SCAF11: variants seen among roughly 807,000 people sequenced by gnomAD.
SCAF11 encodes protein SCAF11.
SCAF11 carries 47 observed loss-of-function variants against 140.5 expected under a neutral mutation model. The observed-to-expected ratio is 0.33, with a 90% CI of 0.26 to 0.43. SCAF11 has a LOEUF of 0.43. Ranked by LOEUF, SCAF11 falls within the 20% of genes least tolerant of loss-of-function variation. The probability of loss-of-function intolerance (pLI) is 1.00; values close to 1 mark genes in which losing one functional copy is unlikely to be tolerated. For missense variants in SCAF11, 1,645 were observed against 1,705.1 expected, an observed-to-expected ratio of 0.96 and a Z score of 0.62; for synonymous variants, 557 against 579.4, an observed-to-expected ratio of 0.96 and a Z score of 0.55.
intron 11 of SCAF11, among the ~76,000 whole-genome samples, chr12:45,925,416 G>A (rs375546535): frequency 4.6e-5 from 7 of 152,034 alleles, no homozygotes; most frequent in Admixed American, 3.9e-4. Flanking sequence ...TTAGCCAGGC[G>A]TGGTGGTGAG....
At chr12:45,991,850 G>T (rs1430204448), upstream of SCAF11, 1 of 1,256,296 alleles carries the variant, frequency 8.0e-7, no homozygotes, top group South Asian at 1.3e-5. Flanking sequence ...TGCGGCTCCC[G>T]CAGGACTAAG....
intron 1 of SCAF11, among the ~76,000 whole-genome samples, chr12:45,978,374 C>CT (rs2136656900): frequency 6.6e-6 from 1 of 152,272 alleles, no homozygotes; most frequent in African/African-American, 2.4e-5. Flanking sequence ...CTAAAGCTCT[C>CT]TTATATTTAT....
chr12:45,964,501 A>G (rs959164199), intron 1 of SCAF11, among the ~76,000 whole-genome samples: 2 of 152,118 alleles, frequency 1.3e-5, no homozygotes, highest in African/African-American at 4.8e-5. Context: ...CCCTGTCTCT[A>G]CTAAAAACAC....
At chr12:45,941,416 G>C (rs1945298946) in intron 6 of SCAF11, among the ~76,000 whole-genome samples, 1 of 151,948 alleles carries the variant, frequency 6.6e-6, no homozygotes. Context: ...CCTTTTTCTT[G>C]TAGTGAGAAC....
rs377131723 is a variant in SCAF11, at chr12:45,934,208, A to G, written c.600T>C (p.Ser200=). The G allele has an allele frequency of 2.6e-5, 41 of 1,606,620 alleles. No individual in the cohort carries two copies. The African/African-American group carries it at 4.8e-4, about 19-fold the overall frequency. ...CTCTATAGGTAAAGGAAGATTCTCCAGAGTGGCTAACAGAAGAAAACATAT... is the reference window on the plus strand; with the variant it reads ...CTCTATAGGTAAAGGAAGATTCTCCGGAGTGGCTAACAGAAGAAAACATAT... The part of the protein sequence containing the change: ...FSNMFSSVSH[S]GESSFTYRAY... Residue 200 remains serine, a synonymous_variant, in exon 8 of 15, where the codon TCT becomes TCC. Transcript: ENST00000369367.
chr12:45,927,049 T>C lies in SCAF11; in HGVS notation c.2652A>G (p.Arg884=), dbSNP rs1944888681. 1 of 1,614,140 alleles carries C rather than the reference T, an allele frequency of 6.2e-7. No homozygotes were observed. The highest frequency in any genetic ancestry group is 8.5e-7 in the Non-Finnish European group (1 of 1,180,020). The part of the protein sequence containing the change: ...ESRRSESLSP[R]RETSRENKRS... ...TTTTGTTCTCTCTAGAAGTTTCTCT[T>C]CTTGGGGACAGTGATTCAGATCTTC... Residue 884 remains arginine, a synonymous_variant, in exon 11 of 15, where the codon AGA becomes AGG. Transcript: ENST00000369367.
intron 3 of SCAF11, among the ~76,000 whole-genome samples, chr12:45,954,546 GAC>G (rs1175153985): frequency 1.3e-5 from 2 of 149,880 alleles, no homozygotes; most frequent in African/African-American, 4.9e-5. Flanking sequence ...TTTGAATTAT[GAC>G]AGTTTTAATC....
chr12:45,988,265 T>C (rs957331038), intron 1 of SCAF11, among the ~76,000 whole-genome samples: 1 of 152,238 alleles, frequency 6.6e-6, no homozygotes, highest in Admixed American at 6.5e-5. Flanking sequence ...TACAGTTGAC[T>C]TTCTTTTTAT....
chr12:45,958,364 A>C (rs931214179), intron 3 of SCAF11, among the ~76,000 whole-genome samples: 15 of 152,234 alleles, frequency 9.9e-5, no homozygotes, highest in Non-Finnish European at 1.8e-4. Flanking sequence ...GCTATCAATA[A>C]GTATATATTG....
At position 45,924,783 on chromosome 12, in the gene SCAF11, G is replaced by A; in HGVS notation, c.3851C>T (p.Pro1284Leu). The change falls in exon 12 of 15, where the codon CCA becomes CTA. Residue 1284 changes from proline (P) to leucine (L), a missense_variant. This residue lies in a region of SCAF11 where 1,582 missense variants were observed against 1,609.2 expected (regional missense o/e 0.98). Coordinates refer to ENST00000369367, the MANE Select transcript of SCAF11 (RefSeq NM_004719.3). Reference protein sequence around the residue: ...QGLPPPPPPPPPSQQVNYIAS... With the variant: ...QGLPPPPPPPLPSQQVNYIAS... ...AATGTAGTTGACTTGTTGGGATGGT[G>A]GGGGAGGGGGTGGTGGTGGTGGTAG... 1 of 1,612,422 alleles carries A rather than the reference G, an allele frequency of 6.2e-7. No individual in the cohort carries two copies. The highest frequency in any genetic ancestry group is 8.5e-7 in the Non-Finnish European group (1 of 1,178,788).
chr12:45,935,930 C>G (rs1298063197), intron 6 of SCAF11, among the ~76,000 whole-genome samples: 2 of 152,120 alleles, frequency 1.3e-5, no homozygotes, highest in Non-Finnish European at 2.9e-5. Flanking sequence ...TTTTGGTGGG[C>G]AGTGATACGC....
rs112366533 is a variant in SCAF11, at chr12:45,928,727, C to T, written c.974G>A (p.Arg325His). Residue 325 changes from arginine to histidine, a missense_variant, in exon 11 of 15, where the codon CGT becomes CAT. By Grantham distance (29) the Arg-to-His change is conservative. This residue lies in a region of SCAF11 where 1,582 missense variants were observed against 1,609.2 expected (regional missense o/e 0.98). Transcript: ENST00000369367. ...ACTGGCTGTTTCAGCTCTTGTGTTA[C>T]GTGTAGACCTCCTTGTAGGAGTTGT... The part of the protein sequence containing the change: ...AMTTPTRRST[R>H]NTRAETASQS... 28 of 1,613,870 alleles carry T rather than the reference C, an allele frequency of 1.7e-5. No individual in the cohort carries two copies. The highest frequency in any genetic ancestry group is 5.0e-5 in the Admixed American group (3 of 60,002).
intron 1 of SCAF11, among the ~76,000 whole-genome samples, chr12:45,984,236 C>T (rs1390994110): frequency 6.6e-6 from 1 of 152,144 alleles, no homozygotes; most frequent in African/African-American, 2.4e-5. Flanking sequence ...CTTGTTTGTA[C>T]TCCTTAAAGC....
intron 1 of SCAF11, among the ~76,000 whole-genome samples, chr12:45,973,424 G>A (rs1056322524): frequency 9.2e-5 from 14 of 151,820 alleles, no homozygotes; most frequent in African/African-American, 3.1e-4. Flanking sequence ...AGAAGAAGAA[G>A]AAATAATGGG....
At chr12:45,971,757 A>C (rs755517989) in intron 1 of SCAF11, among the ~76,000 whole-genome samples, 5 of 152,022 alleles carry the variant, frequency 3.3e-5, no homozygotes, top group Non-Finnish European at 5.9e-5. Flanking sequence ...CAATTCCCAA[A>C]TGATCTGGTG....
At position 45,953,832 on chromosome 12, in the gene SCAF11, A is replaced by G. The variant is rs1462012927; in HGVS notation, c.220-2105T>C. ...AAATGAGAAAAAATAACTTACCTCT[A>G]AGGTTTTTATGGGAATAAATAATTC... On this transcript the variant is annotated intron_variant, in intron 3 of 14. Transcript: ENST00000369367. The G allele has an allele frequency of 3.5e-6, 3 of 862,052 alleles. No individual in the cohort carries two copies. The South Asian group carries it at 4.2e-5, about 12-fold the overall frequency. 53.4% of individuals were successfully genotyped at this position (862,052 alleles called of 1,614,324 possible).
intron 1 of SCAF11, among the ~76,000 whole-genome samples, chr12:45,986,478 C>T (rs1241633694): frequency 2.0e-5 from 3 of 152,308 alleles, no homozygotes; most frequent in Admixed American, 1.3e-4. Flanking sequence ...AAAAAGCCTG[C>T]TAACTAATTC....
At chr12:45,956,072 C>T (rs1945684270) in intron 3 of SCAF11, 3 of 712,344 alleles carry the variant, frequency 4.2e-6, no homozygotes, top group Admixed American at 4.0e-5. Flanking sequence ...GACAAACCCA[C>T]ATTTAAATGT....
At chr12:45,990,631 C>T (rs577839478), upstream of SCAF11, 33 of 1,186,378 alleles carry the variant, frequency 2.8e-5, no homozygotes, top group South Asian at 1.4e-3. Context: ...GCGCGTCTCC[C>T]TCCTCCTCCC....
Sources: allele counts gnomAD v4.1 joint callset (sites outside exome capture counted in the v4.1 genomes callset), GRCh38; gene constraint gnomAD v4.1.1; regional missense constraint gnomAD v4.1.1; transcripts MANE v1.5; gene names NCBI Gene and HGNC (gene_info 2026-07-23, HGNC 2026-07-21).